The following MGAT4A variants were observed in gnomAD, a reference collection of about 807,000 sequenced individuals.
MGAT4A encodes alpha-1,3-mannosyl-glycoprotein 4-beta-N-acetylglucosaminyltransferase A, also known as N-acetylglucosaminyltransferase IVa.
In MGAT4A, 33 loss-of-function variants were observed where a neutral mutation model predicts 74.1. The ratio of observed to expected loss-of-function variants is 0.45; its 90% CI spans 0.34 to 0.60. The LOEUF is 0.60. Ranked by LOEUF, MGAT4A falls within the 20% of genes least tolerant of loss-of-function variation. The pLI, the probability that MGAT4A is intolerant of heterozygous loss-of-function variation, is 0.02. For synonymous variants in MGAT4A, 198 were observed against 210.4 expected, an observed-to-expected ratio of 0.94 and a Z score of 0.51; for missense variants, 479 against 628.3, an observed-to-expected ratio of 0.76 and a Z score of 2.54.
intron 4 of MGAT4A, among the ~76,000 whole-genome samples, chr2:98,667,225 A>G (rs58897435): frequency 0.011 from 1,653 of 152,294 alleles, 10 homozygotes; most frequent in East Asian, 0.026. Context: ...TAAATTGCCC[A>G]GTCTCAGGTA....
chr2:98,621,677 AC>A lies in MGAT4A; in HGVS notation c.*3888del. On this transcript the variant is annotated 3_prime_UTR_variant, in exon 16 of 16. Transcript: ENST00000393487. Reference sequence around the variant, plus strand: ...AGGGGTCATTCTTAGAAATTTGCCTACCACAAATATACACTGTTATTCACTA... The same window carrying A: ...AGGGGTCATTCTTAGAAATTTGCCTACACAAATATACACTGTTATTCACTA... 7.0e-7 allele frequency: 1 copy of A among 1,425,684 alleles called. No individual in the cohort carries two copies. Among genetic ancestry groups the A allele is most frequent in the Non-Finnish European group, 9.2e-7 (1 of 1,090,944 alleles). The allele number at this position is 1,425,684 out of a possible 1,614,324, so 88.3% of individuals were successfully genotyped here.
At chr2:98,701,819 T>C (rs1359564417) in intron 2 of MGAT4A, among the ~76,000 whole-genome samples, 1 of 152,210 alleles carries the variant, frequency 6.6e-6, no homozygotes, top group Non-Finnish European at 1.5e-5. Flanking sequence ...CTCTTCTTTT[T>C]AGAAAGTCAA....
chr2:98,697,335 C>A (rs1310080149), intron 2 of MGAT4A, among the ~76,000 whole-genome samples: 2 of 152,064 alleles, frequency 1.3e-5, no homozygotes, highest in African/African-American at 4.8e-5. Flanking sequence ...ATAACATTTC[C>A]AAAATGACAA....
At chr2:98,648,779 C>T (rs997915488) in intron 8 of MGAT4A, among the ~76,000 whole-genome samples, 1 of 151,618 alleles carries the variant, frequency 6.6e-6, no homozygotes, top group Non-Finnish European at 1.5e-5. Flanking sequence ...ACCTGTAACA[C>T]CTGCTCTTTG....
At chr2:98,635,022 C>T (rs139535324) in intron 14 of MGAT4A, among the ~76,000 whole-genome samples, 200 bp downstream of exon 14, 50 of 152,082 alleles carry the variant, frequency 3.3e-4, no homozygotes, top group Non-Finnish European at 6.5e-4. Context: ...ACGGAAGGAG[C>T]GAGAAAGACA....
Position 98,625,562 on chromosome 2 carries a change from A to C in MGAT4A, c.*4T>G. 1 of 1,609,144 alleles carries C rather than the reference A, an allele frequency of 6.2e-7. No homozygotes were observed. The highest frequency in any genetic ancestry group is 8.5e-7 in the Non-Finnish European group (1 of 1,178,648). On this transcript the variant is annotated 3_prime_UTR_variant, in exon 16 of 16. Coordinates refer to ENST00000393487, the MANE Select transcript of MGAT4A (RefSeq NM_012214.3). ...AGGAAAAAATGTGTTGGTTTCTCAG[A>C]TGATCAGTTGGTGGCTTTTTTAATA...
In MGAT4A at chr2:98,709,988, T is replaced by C. The variant is rs188956208; in HGVS notation, c.94+16251A>G. On this transcript the variant is annotated intron_variant, in intron 2 of 15. Coordinates refer to ENST00000393487, the MANE Select transcript of MGAT4A (RefSeq NM_012214.3). ...CACAGAGCAAAGTCTTAGCCATCAA[T>C]GAAATCTCACTGAAAAGGAGAGTAG... Among the ~76,000 whole-genome samples the C allele has an allele frequency of 2.6e-5, 4 of 152,250 alleles. No individual in the cohort carries two copies. The East Asian group carries it at 5.8e-4, about 22-fold the overall frequency.
intron 2 of MGAT4A, among the ~76,000 whole-genome samples, chr2:98,715,225 C>T (rs974681731): frequency 8.2e-5 from 12 of 146,164 alleles, no homozygotes; most frequent in East Asian, 4.1e-4. Flanking sequence ...GGTGGAGGCA[C>T]GAGAATCATT....
chr2:98,677,704 C>T (rs1417137808), intron 3 of MGAT4A, among the ~76,000 whole-genome samples: 9 of 151,932 alleles, frequency 5.9e-5, no homozygotes, highest in East Asian at 1.9e-4. Flanking sequence ...CTGCCCGTCT[C>T]GGCCTCCCAA....
Position 98,655,581 on chromosome 2 carries a change from T to TTAAATGTA in MGAT4A, c.699-69_699-62dup, listed in dbSNP as rs1701645858. 6 of 1,157,572 alleles carry TTAAATGTA rather than the reference T, an allele frequency of 5.2e-6. No individual in the cohort carries two copies. In the Admixed American group the frequency reaches 9.9e-5, roughly 19 times the overall value. The allele number at this position is 1,157,572 out of a possible 1,614,324, so 71.7% of individuals were successfully genotyped here. A position where few individuals can be genotyped will look rare whatever the true frequency, so the allele number is the denominator to read the frequency against. ...CAGACTCAAATTTAGTAAAATAAGA[T>TTAAATGTA]TAAATGTATAAATGTCAAATGTCTA... On this transcript the variant is annotated intron_variant, in intron 7 of 15. Transcript: ENST00000393487.
At chr2:98,680,659 C>T (rs892857199) in intron 2 of MGAT4A, among the ~76,000 whole-genome samples, 1 of 152,128 alleles carries the variant, frequency 6.6e-6, no homozygotes, top group Non-Finnish European at 1.5e-5. Flanking sequence ...AAGGGCATAC[C>T]GGCAGCTCCA....
At chr2:98,651,764 C>A (rs1559159756) in intron 8 of MGAT4A, among the ~76,000 whole-genome samples, 1 of 152,072 alleles carries the variant, frequency 6.6e-6, no homozygotes, top group East Asian at 1.9e-4. Context: ...TTAAAAGACA[C>A]AGTTAGGCCA....
rs577538403 is a variant in MGAT4A, at chr2:98,619,977, C to G, written c.*5589G>C. 1 of 152,288 alleles carries G rather than the reference C, an allele frequency of 6.6e-6. No homozygotes were observed. Among genetic ancestry groups the G allele is most frequent in the Admixed American group, 6.5e-5 (1 of 15,302 alleles). 9.4% of individuals were successfully genotyped at this position (152,288 alleles called of 1,614,324 possible). ...CGCAAAGTGCTTTCCCATCAATGCT[C>G]AGTTTACTTTCTTGAATGAGGTCTT... is the stretch of plus-strand genomic sequence containing the variant. On this transcript the variant is annotated 3_prime_UTR_variant, in exon 16 of 16. Coordinates refer to ENST00000393487, the MANE Select transcript of MGAT4A (RefSeq NM_012214.3).
Position 98,731,020 on chromosome 2 carries a change from G to A in MGAT4A, c.-236+28C>T, listed in dbSNP as rs867515047. ...CCCGCGCCCCCTCCCGCCCCCGCGCGCCGCCGCTGCCGCCGCGAGCCCCTC... is the reference window on the plus strand; with the variant it reads ...CCCGCGCCCCCTCCCGCCCCCGCGCACCGCCGCTGCCGCCGCGAGCCCCTC... On this transcript the variant is annotated intron_variant, in intron 1 of 15. Coordinates refer to ENST00000393487, the MANE Select transcript of MGAT4A (RefSeq NM_012214.3). The surrounding 1 kb of genome is among the most constrained non-coding windows in gnomAD (Gnocchi z 4.8). 180 of 84,976 alleles carry A rather than the reference G, an allele frequency of 2.1e-3. No homozygotes were observed. The highest frequency in any genetic ancestry group is 0.014 in the Middle Eastern group (2 of 146). 5.3% of individuals were successfully genotyped at this position (84,976 alleles called of 1,614,324 possible).
At chr2:98,678,174 G>A (rs1702003850) in intron 3 of MGAT4A, 130 bp downstream of exon 3, 1 of 184,760 alleles carries the variant, frequency 5.4e-6, no homozygotes, top group African/African-American at 2.4e-5. Context: ...AGCTGGCAGT[G>A]AGCCAAGATT....
intron 2 of MGAT4A, among the ~76,000 whole-genome samples, chr2:98,682,354 AG>A (rs1038748170): frequency 6.9e-6 from 1 of 144,934 alleles, no homozygotes; most frequent in Non-Finnish European, 1.5e-5. Context: ...CCCGGGAGGC[AG>A]AGGCTGCAGT....
intron 2 of MGAT4A, among the ~76,000 whole-genome samples, chr2:98,691,791 T>G (rs1215794742): frequency 2.0e-5 from 3 of 152,180 alleles, no homozygotes; most frequent in Non-Finnish European, 4.4e-5. Context: ...AGATGACAGC[T>G]TCATGTGTGT....
intron 12 of MGAT4A, among the ~76,000 whole-genome samples, chr2:98,638,549 A>C (rs1466933361): frequency 6.6e-6 from 1 of 152,246 alleles, no homozygotes; most frequent in East Asian, 1.9e-4. Flanking sequence ...TGCTGTTTCT[A>C]ATTCTATGCT....
chr2:98,671,513 C>G (rs1267453700), intron 4 of MGAT4A, among the ~76,000 whole-genome samples: 10 of 152,190 alleles, frequency 6.6e-5, no homozygotes, highest in Admixed American at 6.5e-4. Context: ...GTTCCACACA[C>G]TTCCTCACTC....
Sources: gnomAD v4.1 joint callset for allele counts (sites outside exome capture counted in the v4.1 genomes callset) on GRCh38, gnomAD v4.1.1 for gene constraint, Gnocchi (gnomAD v3.1) non-coding constraint, MANE v1.5 for transcripts, NCBI Gene and HGNC (gene_info 2026-07-23, HGNC 2026-07-21) for gene names.